PCDHGB5: variants seen among roughly 807,000 people sequenced by gnomAD.
PCDHGB5 encodes protocadherin gamma-B5.
Under a neutral mutation model 62.9 loss-of-function variants are expected in PCDHGB5, and 48 were observed. That is an observed-to-expected ratio of 0.76 (90% CI 0.61 to 0.97). The LOEUF is 0.97. Ranked by LOEUF, PCDHGB5 falls within the 50% of genes least tolerant of loss-of-function variation. PCDHGB5 has a pLI of 0.00. For missense variants in PCDHGB5, 1,118 were observed against 1,198.6 expected (o/e 0.93, Z 0.99); for synonymous variants, 474 against 511.2 (o/e 0.93, Z 0.98).
chr5:141,492,471 C>T (rs937691695), intron 1 of PCDHGB5, among the ~76,000 whole-genome samples: 8 of 152,240 alleles, frequency 5.3e-5, no homozygotes, highest in Non-Finnish European at 1.0e-4. Flanking sequence ...GGTCCCAGAT[C>T]GCGGCCGCCC....
rs147534370 is a variant in PCDHGB5 at position 141,511,170 on chromosome 5, G to A, written c.2769G>A (p.Lys923=). ...AGAAGTCGGGCAAGAAGGAGAAGAA[G>A]TAACATGGAGGCCAGGCCAAGAGCC... ...NKKKSGKKEK[K] The change falls in exon 4 of 4, where the codon AAG becomes AAA. Residue 923 remains lysine (K), a synonymous_variant. Coordinates refer to ENST00000617380, the MANE Select transcript of PCDHGB5 (RefSeq NM_018925.3). 1.9e-6 allele frequency: 3 copies of A among 1,613,988 alleles called. No homozygotes were observed. The highest frequency in any genetic ancestry group is 2.5e-6 in the Non-Finnish European group (3 of 1,179,990).
Position 141,399,590 on chromosome 5 carries a change from T to G in PCDHGB5, c.1463T>G (p.Met488Arg). 6.2e-7 allele frequency: 1 copy of G among 1,613,972 alleles called. No individual in the cohort carries two copies. Among genetic ancestry groups the G allele is most frequent in the East Asian group, 2.2e-5 (1 of 44,882 alleles). ...GLNGQVSYSI[M>R]ASDLEPLALA... The stretch of plus-strand genomic sequence containing the variant: ...AACGGCCAAGTCTCCTACTCTATCA[T>G]GGCCAGCGACCTAGAGCCTCTGGCA... The change falls in exon 1 of 4, where the codon ATG becomes AGG. Residue 488 changes from methionine to arginine, a missense_variant. Around this residue, in one of 2 missense-constraint regions of PCDHGB5, gnomAD observed 1,034 missense variants for 1,029.1 expected, o/e 1.00. Coordinates refer to ENST00000617380, the MANE Select transcript of PCDHGB5 (RefSeq NM_018925.3).
At position 141,432,298 on chromosome 5, in the gene PCDHGB5, A is replaced by G; in HGVS notation, c.2397+31774A>G. 6.2e-7 allele frequency: 1 copy of G among 1,614,236 alleles called. No homozygotes were observed. The highest frequency in any genetic ancestry group is 8.5e-7 in the Non-Finnish European group (1 of 1,180,036). The stretch of plus-strand genomic sequence containing the variant: ...TGTCCATCAACTCCGACACTGGGGT[A>G]CTGTATGCGCTGAGCTCCTTCGACT... On this transcript the variant is annotated intron_variant, in intron 1 of 3. Transcript: ENST00000617380. This position sits in a 1 kb window ranked among gnomAD's most constrained non-coding sequence, Gnocchi z 6.0.
intron 1 of PCDHGB5, chr5:141,410,511 G>C (rs755576652): frequency 6.2e-7 from 1 of 1,613,824 alleles, no homozygotes; most frequent in Non-Finnish European, 8.5e-7. Flanking sequence ...CTAAAATGCA[G>C]TGTGCCCCTA....
rs749044339 is a variant in PCDHGB5, at chr5:141,477,410, G to A, written c.2398-17397G>A. On this transcript the variant is annotated intron_variant, in intron 1 of 3. Coordinates refer to ENST00000617380, the MANE Select transcript of PCDHGB5 (RefSeq NM_018925.3). This position sits in a 1 kb window ranked among gnomAD's most constrained non-coding sequence, Gnocchi z 4.9. ...CAACCTCAGCATCACCGCCCGAGAC[G>A]CCGGAACCCCTTCCCTCTCAGCCCT... 66 of 1,613,988 alleles carry A rather than the reference G, an allele frequency of 4.1e-5. 1 individual carries two copies. The South Asian group carries it at 7.0e-4, about 17-fold the overall frequency.
intron 1 of PCDHGB5, chr5:141,420,545 A>G: frequency 3.5e-6 from 1 of 289,066 alleles, no homozygotes; most frequent in Non-Finnish European, 6.2e-6. Flanking sequence ...TATAAAATAC[A>G]GGTATATTTT....
In PCDHGB5 at chr5:141,398,938, G is replaced by T. The variant is rs201463346; in HGVS notation, c.811G>T (p.Glu271Ter). ...VLQVSATDQD[E>*]GINSEITYSF... ...GCAAGTGTCAGCCACTGACCAAGAC[G>T]AGGGCATCAACTCAGAAATTACTTA... Residue 271 changes from glutamate to a stop codon, truncating the protein, a stop_gained, in exon 1 of 4, where the codon GAG becomes TAG. Transcript: ENST00000617380. LOFTEE classifies it high-confidence loss of function. The T allele has an allele frequency of 2.9e-4, 467 of 1,613,840 alleles. No homozygotes were observed. Among genetic ancestry groups the T allele is most frequent in the Non-Finnish European group, 3.7e-4 (433 of 1,179,918 alleles).
At position 141,487,398 on chromosome 5, in the gene PCDHGB5, G is replaced by A. The variant is rs1342197934; in HGVS notation, c.2398-7409G>A. 1.9e-6 allele frequency: 3 copies of A among 1,613,926 alleles called. No individual in the cohort carries two copies. The African/African-American group carries it at 4.0e-5, about 22-fold the overall frequency. ...CTCACCAGATCTCGAAGGAGGGAGGGGCTTCCCCCTTCCAATGGGATCCTC... is the reference window on the plus strand; with the variant it reads ...CTCACCAGATCTCGAAGGAGGGAGGAGCTTCCCCCTTCCAATGGGATCCTC... On this transcript the variant is annotated intron_variant, in intron 1 of 3. Transcript: ENST00000617380. The surrounding 1 kb of genome is among the most constrained non-coding windows in gnomAD (Gnocchi z 5.0).
At chr5:141,478,108 G>A (rs1160328367) in intron 1 of PCDHGB5, 1 of 1,614,046 alleles carries the variant, frequency 6.2e-7, no homozygotes, top group Admixed American at 1.7e-5. Flanking sequence ...CCCTCACTGT[G>A]TCAGTAACCG....
chr5:141,448,756 C>T (rs938202200), intron 1 of PCDHGB5, among the ~76,000 whole-genome samples: 1 of 151,742 alleles, frequency 6.6e-6, no homozygotes, highest in African/African-American at 2.4e-5. Context: ...CTGGCTAACA[C>T]GGTGAAACCC....
chr5:141,438,623 TATATATATATATACAC>T (rs1207200307), intron 1 of PCDHGB5, among the ~76,000 whole-genome samples: 21 of 42,842 alleles, frequency 4.9e-4, no homozygotes, highest in South Asian at 2.6e-3. Flanking sequence ...TATATATATA[TATATATATATATACAC>T]ACACACACAC....
At chr5:141,421,473 C>G (rs907282414) in intron 1 of PCDHGB5, 14 of 1,614,112 alleles carry the variant, frequency 8.7e-6, no homozygotes, top group African/African-American at 1.3e-5. Flanking sequence ...ATCCGCGAAG[C>G]GGCAGCTTGA....
intron 1 of PCDHGB5, chr5:141,409,747 C>T (rs771456718): frequency 1.2e-6 from 2 of 1,612,994 alleles, no homozygotes; most frequent in East Asian, 2.2e-5. Flanking sequence ...GGGTGGTGTT[C>T]GCGCAGCGCG....
At chr5:141,430,996 G>A (rs1256552269) in intron 1 of PCDHGB5, 6 of 1,614,024 alleles carry the variant, frequency 3.7e-6, no homozygotes, top group Non-Finnish European at 5.1e-6. Context: ...CCCTGAATCC[G>A]CGCAGCGGCA....
chr5:141,479,568 G>A (rs553213095), intron 1 of PCDHGB5: 2 of 152,346 alleles, frequency 1.3e-5, no homozygotes, highest in East Asian at 3.9e-4. Context: ...GTAGTGGGAT[G>A]ACATCTGTGA....
intron 1 of PCDHGB5, among the ~76,000 whole-genome samples, chr5:141,481,161 A>G (rs2099532805): frequency 6.6e-6 from 1 of 152,230 alleles, no homozygotes; most frequent in African/African-American, 2.4e-5. Flanking sequence ...GTATTTGCAG[A>G]ACCAGAATCC....
At chr5:141,415,397 G>T (rs1168654728) in intron 1 of PCDHGB5, 1 of 1,614,124 alleles carries the variant, frequency 6.2e-7, no homozygotes, top group African/African-American at 1.3e-5. Context: ...GGTGTGTCCG[G>T]CTCGCACTTT....
intron 1 of PCDHGB5, among the ~76,000 whole-genome samples, chr5:141,453,996 C>T (rs2098779349): frequency 6.6e-6 from 1 of 152,128 alleles, no homozygotes; most frequent in Admixed American, 6.6e-5. Context: ...GTGATAAACC[C>T]ACATAACATT....
At chr5:141,409,897 A>C (rs549955923) in intron 1 of PCDHGB5, 1 of 1,613,086 alleles carries the variant, frequency 6.2e-7, no homozygotes, top group Non-Finnish European at 8.5e-7. Context: ...TGCTGTACCC[A>C]GCTCTGGGTC....
Sources: allele counts gnomAD v4.1 joint callset (sites outside exome capture counted in the v4.1 genomes callset), GRCh38; gene constraint gnomAD v4.1.1; regional missense constraint gnomAD v4.1.1; non-coding constraint Gnocchi (gnomAD v3.1); transcripts MANE v1.5; gene names NCBI Gene and HGNC (gene_info 2026-07-23, HGNC 2026-07-21).